Variants in TMEFF2 observed in about 807,000 individuals in gnomAD.
The protein encoded by TMEFF2 is tomoregulin-2.
In TMEFF2, 28 loss-of-function variants were observed where a neutral mutation model predicts 53.8. The ratio of observed to expected loss-of-function variants is 0.52; its 90% CI spans 0.39 to 0.71. TMEFF2 has a LOEUF of 0.71. Among genes scored for constraint, TMEFF2 ranks in the 30% least tolerant of loss-of-function variants. TMEFF2 has a pLI of 0.00. For synonymous variants in TMEFF2, 162 were observed against 166.3 expected, an observed-to-expected ratio of 0.97 and a Z score of 0.20; for missense variants, 353 against 455.2, an observed-to-expected ratio of 0.78 and a Z score of 2.04.
At chr2:192,000,212 T>C (rs1199370673) in intron 5 of TMEFF2, among the ~76,000 whole-genome samples, 7 of 152,124 alleles carry the variant, frequency 4.6e-5, no homozygotes, top group Non-Finnish European at 1.0e-4. Flanking sequence ...AATATTTATG[T>C]TGTTTTTGTA....
chr2:192,164,937 T>C (rs1416772228), intron 4 of TMEFF2, among the ~76,000 whole-genome samples: 2 of 151,500 alleles, frequency 1.3e-5, no homozygotes, highest in African/African-American at 4.9e-5. Flanking sequence ...TATATAAAAG[T>C]TATTAATACA....
chr2:191,986,878 AAGT>A (rs1458856406), intron 7 of TMEFF2, among the ~76,000 whole-genome samples: 2 of 151,018 alleles, frequency 1.3e-5, no homozygotes, highest in African/African-American at 4.9e-5. Flanking sequence ...AAAAAAAAAA[AAGT>A]GTGTTTGAAG....
At chr2:192,005,654 C>G (rs190327573) in intron 5 of TMEFF2, among the ~76,000 whole-genome samples, 1 of 152,194 alleles carries the variant, frequency 6.6e-6, no homozygotes, top group East Asian at 1.9e-4. Context: ...TTTTTTGTTT[C>G]TCTTGAGGGT....
intron 7 of TMEFF2, among the ~76,000 whole-genome samples, chr2:191,964,323 CCTTT>C (rs1290094155): frequency 3.3e-5 from 4 of 122,444 alleles, no homozygotes; most frequent in Admixed American, 8.1e-5. Context: ...TTCCTTCCTT[CCTTT>C]CTTTCCTTCT....
At chr2:192,086,732 A>C (rs1688677347) in intron 4 of TMEFF2, among the ~76,000 whole-genome samples, 2 of 152,112 alleles carry the variant, frequency 1.3e-5, no homozygotes, top group Non-Finnish European at 2.9e-5. Flanking sequence ...ACACGTCTTT[A>C]ATTCATTGTG....
chr2:192,012,910 T>C (rs4389282), intron 5 of TMEFF2, among the ~76,000 whole-genome samples: 13,912 of 152,174 alleles, frequency 0.091, 836 homozygotes, highest in East Asian at 0.3. Context: ...TAGAAAAACC[T>C]AGAGGCTAGT....
chr2:192,058,970 TTC>T (rs1491408441), intron 4 of TMEFF2, among the ~76,000 whole-genome samples: 2 of 147,868 alleles, frequency 1.4e-5, no homozygotes, highest in Non-Finnish European at 3.0e-5. Flanking sequence ...TTCTCTTCAT[TTC>T]TTTTTTGTTT....
chr2:192,110,480 C>T (rs1689247967), intron 4 of TMEFF2, among the ~76,000 whole-genome samples: 1 of 152,146 alleles, frequency 6.6e-6, no homozygotes, highest in Non-Finnish European at 1.5e-5. Flanking sequence ...TTGAATAACA[C>T]TCCAACTGTA....
intron 5 of TMEFF2, among the ~76,000 whole-genome samples, chr2:192,023,421 G>A (rs1372469686): frequency 2.0e-5 from 3 of 152,092 alleles, no homozygotes; most frequent in Non-Finnish European, 4.4e-5. Context: ...CCTGAGTTTT[G>A]AGAGAGAGGT....
chr2:192,073,401 T>G (rs1036468094), intron 4 of TMEFF2, among the ~76,000 whole-genome samples: 1 of 151,922 alleles, frequency 6.6e-6, no homozygotes, highest in Non-Finnish European at 1.5e-5. Context: ...ACACATCAGT[T>G]TTAGTGCAGC....
intron 7 of TMEFF2, among the ~76,000 whole-genome samples, chr2:191,991,745 C>T (rs1686113024): frequency 6.6e-6 from 1 of 152,054 alleles, no homozygotes; most frequent in African/African-American, 2.4e-5. Context: ...AAAAAGTGCA[C>T]ATAAATGATG....
At chr2:191,987,894 A>G (rs1686016571) in intron 7 of TMEFF2, among the ~76,000 whole-genome samples, 1 of 152,232 alleles carries the variant, frequency 6.6e-6, no homozygotes, top group African/African-American at 2.4e-5. Flanking sequence ...GGAATGAACT[A>G]AAATGAGCCT....
Position 191,998,271 on chromosome 2 carries a change from C to A in TMEFF2, c.736G>T (p.Asp246Tyr). The A allele has an allele frequency of 1.9e-6, 3 of 1,598,326 alleles. No homozygotes were observed. Among genetic ancestry groups the A allele is most frequent in the Non-Finnish European group, 2.6e-6 (3 of 1,172,556 alleles). ...KSEDGHYART[D>Y]YAENANKLEE... The stretch of plus-strand genomic sequence containing the variant: ...AGAAAATATTATGTACCTGCATAAT[C>A]TGTTCTTGCATAATGCCCATCTTCA... The change falls in exon 7 of 10, where the codon GAT (aspartate) becomes TAT (tyrosine). Residue 246 changes from aspartate to tyrosine, a missense_variant. Around this residue, in one of 3 missense-constraint regions of TMEFF2, gnomAD observed 294 missense variants for 397.3 expected, o/e 0.74. Coordinates refer to ENST00000272771, the MANE Select transcript of TMEFF2 (RefSeq NM_016192.4).
intron 7 of TMEFF2, among the ~76,000 whole-genome samples, chr2:191,992,479 G>A (rs1686130134): frequency 6.6e-6 from 1 of 152,036 alleles, no homozygotes; most frequent in South Asian, 2.1e-4. Context: ...CAGGTAGGCA[G>A]TCAAAATGTC....
At chr2:192,102,626 C>CTTTTTTTTTTTTT (rs10635775) in intron 4 of TMEFF2, among the ~76,000 whole-genome samples, 97 of 109,808 alleles carry the variant, frequency 8.8e-4, no homozygotes, top group African/African-American at 1.2e-3. Flanking sequence ...TTTTCTTGTT[C>CTTTTTTTTTTTTT]TTTTTTTTTT....
chr2:192,022,246 G>C (rs373099483), intron 5 of TMEFF2, among the ~76,000 whole-genome samples: 61 of 152,280 alleles, frequency 4.0e-4, no homozygotes, highest in East Asian at 3.9e-3. Flanking sequence ...ACCCAGGTGG[G>C]TGTGCAGCTT....
intron 7 of TMEFF2, among the ~76,000 whole-genome samples, chr2:191,987,516 A>G (rs1049899826): frequency 6.6e-6 from 1 of 151,774 alleles, no homozygotes; most frequent in African/African-American, 2.4e-5. Context: ...AAGCTATCCT[A>G]TCACTTTAGC....
At chr2:192,125,419 A>G (rs1421201741) in intron 4 of TMEFF2, among the ~76,000 whole-genome samples, 1 of 152,184 alleles carries the variant, frequency 6.6e-6, no homozygotes, top group South Asian at 2.1e-4. Flanking sequence ...ATATCTTTGT[A>G]TTATAAGCAA....
chr2:192,139,567 A>T (rs1413444709), intron 4 of TMEFF2, among the ~76,000 whole-genome samples: 1 of 152,212 alleles, frequency 6.6e-6, no homozygotes, highest in Non-Finnish European at 1.5e-5. Flanking sequence ...AAGATCAGAG[A>T]TGAACAAATG....
Sources: gnomAD v4.1 joint callset for allele counts (sites outside exome capture counted in the v4.1 genomes callset) on GRCh38, gnomAD v4.1.1 for gene constraint, gnomAD v4.1.1 regional missense constraint, MANE v1.5 for transcripts, NCBI Gene and HGNC (gene_info 2026-07-23, HGNC 2026-07-21) for gene names.